The following IFT140 variants were observed in gnomAD, a reference collection of about 807,000 sequenced individuals.
The protein encoded by IFT140 is intraflagellar transport protein 140 homolog.
A neutral mutation model predicts 164.6 loss-of-function variants in IFT140; 133 were observed. The observed-to-expected ratio is 0.81, with a 90% confidence interval of 0.70 to 0.93. The LOEUF (loss-of-function observed/expected upper bound fraction) is 0.93. IFT140 is among the 40% of genes least tolerant of loss of function. IFT140 has a pLI of 0.00. For synonymous variants in IFT140, 860 were observed against 817.3 expected (o/e 1.05, Z -0.89); for missense variants, 2,045 against 1,972.3 (o/e 1.04, Z -0.70).
intron 4 of IFT140, among the ~76,000 whole-genome samples, chr16:1,598,993 A>C (rs1190507594): frequency 3.6e-5 from 4 of 112,330 alleles, no homozygotes; most frequent in Middle Eastern, 9.6e-3. Context: ...AGCCGCCATC[A>C]CATCTAGGAA....
At position 1,566,260 on chromosome 16, in the gene IFT140, A is replaced by C; in HGVS notation, c.1802T>G (p.Phe601Cys). The C allele has an allele frequency of 6.2e-7, 1 of 1,613,788 alleles. No individual in the cohort carries two copies. The highest frequency in any genetic ancestry group is 2.2e-5 in the East Asian group (1 of 44,876). Reference sequence around the variant, plus strand: ...CACTGTGTCCATTTCAACATCGTAGAAGCAGATTTTGGAATCAGGGCTGTT... The same window carrying C: ...CACTGTGTCCATTTCAACATCGTAGCAGCAGATTTTGGAATCAGGGCTGTT... ...ADNSPDSKIC[F>C]YDVEMDTVTV... Residue 601 changes from phenylalanine to cysteine, a missense_variant, in exon 16 of 31, where the codon TTC becomes TGC. Physicochemically the swap from Phe to Cys is radical, Grantham distance 205. Transcript: ENST00000426508.
chr16:1,594,723 C>T (rs1263665154), intron 4 of IFT140, among the ~76,000 whole-genome samples: 3 of 152,192 alleles, frequency 2.0e-5, no homozygotes, highest in South Asian at 2.1e-4. Flanking sequence ...CAGGGACAGC[C>T]GGCGGGGCCT....
intron 19 of IFT140, among the ~76,000 whole-genome samples, chr16:1,556,183 T>C (rs2033066937): frequency 1.3e-5 from 2 of 152,252 alleles, no homozygotes; most frequent in East Asian, 1.9e-4. Flanking sequence ...TCCTGCATGA[T>C]GCTGCACTGG....
At chr16:1,532,693 A>T (rs1325036479) in intron 19 of IFT140, 1 of 152,278 alleles carries the variant, frequency 6.6e-6, no homozygotes, top group Non-Finnish European at 1.5e-5. Context: ...GCATTCACGA[A>T]GCTTTGGAGC....
intron 21 of IFT140, 45 bp downstream of exon 21, chr16:1,525,842 G>A: frequency 6.8e-7 from 1 of 1,477,378 alleles, no homozygotes; most frequent in Non-Finnish European, 9.0e-7. Context: ...CACAAGCCAG[G>A]GCCATCCAGA....
chr16:1,530,862 C>T (rs1191458298), intron 19 of IFT140: 1 of 152,286 alleles, frequency 6.6e-6, no homozygotes, highest in East Asian at 1.9e-4. Flanking sequence ...AAGTCTGCAC[C>T]ATGCGGGCCT....
At chr16:1,560,852 C>T (rs138322865) in intron 18 of IFT140, among the ~76,000 whole-genome samples, 233 of 152,360 alleles carry the variant, frequency 1.5e-3, no homozygotes, top group African/African-American at 5.2e-3. Context: ...TTTAGTCCTT[C>T]CTCTGATTTG....
chr16:1,527,290 T>G (rs2040736007), intron 19 of IFT140, among the ~76,000 whole-genome samples: 1 of 152,154 alleles, frequency 6.6e-6, no homozygotes, highest in South Asian at 2.1e-4. Context: ...GCCCAGACCC[T>G]GACCCAGCCC....
At chr16:1,609,104 G>A (rs1435015630) in intron 2 of IFT140, among the ~76,000 whole-genome samples, 10 of 151,992 alleles carry the variant, frequency 6.6e-5, no homozygotes, top group Non-Finnish European at 4.4e-5. Context: ...GCAGTGAGCC[G>A]AGATCTTGCC....
chr16:1,599,236 A>C lies in IFT140; in HGVS notation c.369+3134T>G, dbSNP rs1310941686. On this transcript the variant is annotated intron_variant, in intron 4 of 30. Transcript: ENST00000426508. Reference sequence around the variant, plus strand: ...CGCCCGGCAGCTGCCCCGTCTGAGAAGTGAGGAGCCTCTCCGCCCAGCAGC... The same window carrying C: ...CGCCCGGCAGCTGCCCCGTCTGAGACGTGAGGAGCCTCTCCGCCCAGCAGC... Among the ~76,000 whole-genome samples the C allele has an allele frequency of 1.2e-4, 10 of 81,950 alleles. 1 individual carries two copies. The allele number at this position is 81,950 out of a possible 152,430, so 53.8% of individuals were successfully genotyped here.
intron 13 of IFT140, among the ~76,000 whole-genome samples, chr16:1,576,391 A>G (rs1406440167): frequency 6.6e-6 from 1 of 151,710 alleles, no homozygotes; most frequent in Non-Finnish European, 1.5e-5. Flanking sequence ...AGAGATCGAG[A>G]CCATCCTGGC....
chr16:1,525,208 C>T (rs2040650328), intron 22 of IFT140, 23 bp downstream of exon 22: 2 of 1,568,264 alleles, frequency 1.3e-6, no homozygotes, highest in Non-Finnish European at 8.8e-7. Flanking sequence ...TGCGGTCCCA[C>T]CAGCCCTGGT....
chr16:1,570,583 G>A (rs774845777), intron 14 of IFT140, among the ~76,000 whole-genome samples: 8 of 152,106 alleles, frequency 5.3e-5, no homozygotes, highest in Admixed American at 4.6e-4. Context: ...CTAGAGAGCC[G>A]AGCTCCTGTG....
intron 12 of IFT140, 136 bp from the exon 13 acceptor site, chr16:1,580,986 C>T (rs2141754228): frequency 1.6e-6 from 1 of 621,126 alleles, no homozygotes; most frequent in South Asian, 1.8e-5. Context: ...CTATCTGCAC[C>T]TCGCAGATGA....
Position 1,594,263 on chromosome 16 carries a change from C to T in IFT140, c.370-1675G>A, listed in dbSNP as rs572967931. On this transcript the variant is annotated intron_variant, in intron 4 of 30. Transcript: ENST00000426508. ...TGAGACAGGGTCTCACTGTGTCGCC[C>T]AGGCTGGAATGGAGTGGTGCAATCA... Among the ~76,000 whole-genome samples, 12 of 152,002 alleles carry T rather than the reference C, an allele frequency of 7.9e-5. No homozygotes were observed. In the South Asian group the frequency reaches 2.3e-3, roughly 29 times the overall value.
rs1426206550 is a variant in IFT140 at position 1,607,326 on chromosome 16, A to T, written c.-31-29T>A. ...CAGGGAAAAAAAAATGACCAAGTCC[A>T]ATCAGTTTTAAATAAAACAAACAAT... On this transcript the variant is annotated intron_variant, in intron 2 of 30. Coordinates refer to ENST00000426508, the MANE Select transcript of IFT140 (RefSeq NM_014714.4). 5 of 1,542,030 alleles carry T rather than the reference A, an allele frequency of 3.2e-6. No homozygotes were observed. In the Admixed American group the frequency reaches 7.9e-5, roughly 24 times the overall value.
intron 20 of IFT140, 52 bp downstream of exon 20, chr16:1,526,567 G>A: frequency 6.9e-7 from 1 of 1,440,318 alleles, no homozygotes; most frequent in South Asian, 1.4e-5. Flanking sequence ...GGGGGCCGTG[G>A]CTGTGGCAGG....
chr16:1,566,627 T>C (rs918808087), intron 15 of IFT140, among the ~76,000 whole-genome samples: 20 of 152,136 alleles, frequency 1.3e-4, no homozygotes, highest in African/African-American at 4.6e-4. Context: ...CGTTCTCAGC[T>C]GAAACTCCTT....
chr16:1,530,785 T>C (rs928469236), intron 19 of IFT140: 1 of 150,600 alleles, frequency 6.6e-6, no homozygotes, highest in African/African-American at 2.5e-5. Context: ...GGGGCCCATG[T>C]GTGACCGAGG....
Sources: gnomAD v4.1 joint callset for allele counts (sites outside exome capture counted in the v4.1 genomes callset) on GRCh38, gnomAD v4.1.1 for gene constraint, MANE v1.5 for transcripts, NCBI Gene and HGNC (gene_info 2026-07-23, HGNC 2026-07-21) for gene names.